Variants in IFNAR2 observed in about 807,000 individuals in gnomAD.
IFNAR2 encodes interferon alpha and beta receptor subunit 2, also known as interferon alpha/beta receptor 2.
Under a neutral mutation model 49.4 loss-of-function variants are expected in IFNAR2, and 30 were observed. That is an observed-to-expected ratio of 0.61 (90% CI 0.45 to 0.82). The LOEUF (loss-of-function observed/expected upper bound fraction) is 0.82, where lower values mean the gene tolerates loss of function less well. Among genes scored for constraint, IFNAR2 ranks in the 40% least tolerant of loss-of-function variants. The pLI, the probability that IFNAR2 is intolerant of heterozygous loss-of-function variation, is 0.00. For missense variants in IFNAR2, 600 were observed against 622.7 expected (o/e 0.96, Z 0.39); for synonymous variants, 224 against 234.5 (o/e 0.96, Z 0.41).
chr21:33,260,519 G>T, intron 7 of IFNAR2, 78 bp from the exon 8 acceptor site: 1 of 1,362,634 alleles, frequency 7.3e-7, no homozygotes, highest in Non-Finnish European at 9.9e-7. Context: ...TGTAACACCA[G>T]GCCAATGTAC....
Position 33,263,297 on chromosome 21 carries a change from C to G in IFNAR2, c.1345C>G (p.Leu449Val). ...TGACGACTTAGAAGCCCCTCTGATGCTATCGTCTCATCTGGAAGAGATGGT... is the reference window on the plus strand; with the variant it reads ...TGACGACTTAGAAGCCCCTCTGATGGTATCGTCTCATCTGGAAGAGATGGT... Reference protein sequence around the residue: ...DSDDLEAPLMLSSHLEEMVDP... With the variant: ...DSDDLEAPLMVSSHLEEMVDP... The change falls in exon 9 of 9, where the codon CTA (leucine) becomes GTA (valine). Residue 449 changes from leucine (L) to valine (V), a missense_variant. Transcript: ENST00000342136. 2 of 1,614,200 alleles carry G rather than the reference C, an allele frequency of 1.2e-6. No homozygotes were observed. The highest frequency in any genetic ancestry group is 1.7e-6 in the Non-Finnish European group (2 of 1,180,026).
At chr21:33,255,909 A>C (rs1415917863) in intron 7 of IFNAR2, among the ~76,000 whole-genome samples, 1 of 152,206 alleles carries the variant, frequency 6.6e-6, no homozygotes, top group Non-Finnish European at 1.5e-5. Flanking sequence ...GCTTGTTAAC[A>C]AAAGACACTC....
At chr21:33,238,855 A>G (rs1358259027) in intron 1 of IFNAR2, among the ~76,000 whole-genome samples, 7 of 152,190 alleles carry the variant, frequency 4.6e-5, no homozygotes, top group Non-Finnish European at 8.8e-5. Context: ...ACAGTTAATG[A>G]GAAGGAGATG....
In IFNAR2 at chr21:33,261,553, A is replaced by G. The variant is rs112768578; in HGVS notation, c.840+826A>G. On this transcript the variant is annotated intron_variant, in intron 8 of 8. Coordinates refer to ENST00000342136, the MANE Select transcript of IFNAR2 (RefSeq NM_001289125.3). ...GTTTTGGATTATGTCAGTGGAACAT[A>G]TACACAAAGTGGATTTATCCTATAA... Among the ~76,000 whole-genome samples the G allele has an allele frequency of 9.9e-3, 1,505 of 152,262 alleles. 22 individuals carry two copies. The highest frequency in any genetic ancestry group is 0.033 in the African/African-American group (1,365 of 41,534).
Position 33,230,913 on chromosome 21 carries a change from T to TA in IFNAR2, c.-84+698dup, listed in dbSNP as rs1386906895. ...TTCAACCCTGAGCAAATCAATCCGT[T>TA]ACACGCAGTAGCGAGTTGACTCCAT... is the stretch of plus-strand genomic sequence containing the variant. On this transcript the variant is annotated intron_variant, in intron 1 of 8. Coordinates refer to ENST00000342136, the MANE Select transcript of IFNAR2 (RefSeq NM_001289125.3). This position sits in a 1 kb window ranked among gnomAD's most constrained non-coding sequence, Gnocchi z 5.5. 6.6e-6 allele frequency among the ~76,000 whole-genome samples: 1 copy of TA among 152,234 alleles called. No homozygotes were observed. The highest frequency in any genetic ancestry group is 2.4e-5 in the African/African-American group (1 of 41,456).
chr21:33,236,956 G>A (rs1986508203), intron 1 of IFNAR2: 1 of 774,404 alleles, frequency 1.3e-6, no homozygotes, highest in East Asian at 1.3e-4. Flanking sequence ...ACGATGCCAA[G>A]ATGGGATATT....
At chr21:33,240,031 T>C (rs1038834511) in intron 1 of IFNAR2, among the ~76,000 whole-genome samples, 1 of 151,596 alleles carries the variant, frequency 6.6e-6, no homozygotes, top group African/African-American at 2.4e-5. Context: ...CCCTCAATGT[T>C]GTGAGCTACA....
intron 3 of IFNAR2, among the ~76,000 whole-genome samples, chr21:33,244,720 T>G (rs1330543989): frequency 6.6e-6 from 1 of 152,220 alleles, no homozygotes; most frequent in Non-Finnish European, 1.5e-5. Context: ...CCTTACACAG[T>G]GCACAGTCCC....
At chr21:33,231,533 G>A (rs1986064270) in intron 1 of IFNAR2, among the ~76,000 whole-genome samples, 1 of 152,142 alleles carries the variant, frequency 6.6e-6, no homozygotes, top group African/African-American at 2.4e-5. Context: ...ATTTCAAAAA[G>A]TAGTATGAAA....
chr21:33,241,763 G>A, intron 1 of IFNAR2, 77 bp from the exon 2 acceptor site: 2 of 1,025,826 alleles, frequency 1.9e-6, no homozygotes, highest in Non-Finnish European at 2.7e-6. Context: ...GAATAAATGG[G>A]GTAAATGACT....
chr21:33,238,000 G>C (rs970733848), intron 1 of IFNAR2, among the ~76,000 whole-genome samples: 7 of 152,152 alleles, frequency 4.6e-5, no homozygotes, highest in Non-Finnish European at 2.9e-5. Context: ...AAGCAGATAA[G>C]CTATAGGTCT....
intron 5 of IFNAR2, 77 bp downstream of exon 5, chr21:33,246,967 G>T: frequency 7.8e-7 from 1 of 1,282,334 alleles, no homozygotes; most frequent in Non-Finnish European, 1.1e-6. Context: ...GAAATAGGAG[G>T]TCTACAAAGG....
chr21:33,248,071 T>C (rs544945391), intron 5 of IFNAR2, among the ~76,000 whole-genome samples: 17 of 152,222 alleles, frequency 1.1e-4, no homozygotes, highest in Non-Finnish European at 2.2e-4. Flanking sequence ...ATGATAAATA[T>C]GAAAAATACA....
rs9754221 is a variant in IFNAR2, at chr21:33,244,979, G to A, written c.126G>A (p.Lys42=). The A allele has an allele frequency of 6.2e-7, 1 of 1,610,890 alleles. No individual in the cohort carries two copies. Among genetic ancestry groups the A allele is most frequent in the Non-Finnish European group, 8.5e-7 (1 of 1,178,080 alleles). Residue 42 remains lysine (K), a synonymous_variant, in exon 4 of 9, where the codon AAG becomes AAA. Transcript: ENST00000342136. ...ACACAGATGAATCTTGCACTTTCAAGATATCATTGCGAAATTTCCGGTCCA... is the reference window on the plus strand; with the variant it reads ...ACACAGATGAATCTTGCACTTTCAAAATATCATTGCGAAATTTCCGGTCCA... The part of the protein sequence containing the change: ...PDYTDESCTF[K]ISLRNFRSIL...
chr21:33,233,569 C>T (rs1034722025), intron 1 of IFNAR2, among the ~76,000 whole-genome samples: 1 of 152,096 alleles, frequency 6.6e-6, no homozygotes, highest in South Asian at 2.1e-4. Context: ...AAATCAAGCT[C>T]GCCTCAGACT....
chr21:33,231,706 G>A (rs1008354994), intron 1 of IFNAR2: 8 of 983,796 alleles, frequency 8.1e-6, no homozygotes, highest in South Asian at 4.7e-5. Context: ...ATCATCTTCC[G>A]TTATCAATCA....
rs564727682 is a variant in IFNAR2 at position 33,237,951 on chromosome 21, A to G, written c.-83-3889A>G. ...GATAAAGCAGATAAGCCATAGGTCTACCTTGCTTCATGGTCCAGGACATAC... is the reference window on the plus strand; with the variant it reads ...GATAAAGCAGATAAGCCATAGGTCTGCCTTGCTTCATGGTCCAGGACATAC... On this transcript the variant is annotated intron_variant, in intron 1 of 8. Coordinates refer to ENST00000342136, the MANE Select transcript of IFNAR2 (RefSeq NM_001289125.3). 3.9e-5 allele frequency among the ~76,000 whole-genome samples: 6 copies of G among 152,316 alleles called. No individual in the cohort carries two copies. The South Asian group carries it at 1.2e-3, about 32-fold the overall frequency.
At chr21:33,247,638 A>G (rs1481041635) in intron 5 of IFNAR2, among the ~76,000 whole-genome samples, 1 of 152,090 alleles carries the variant, frequency 6.6e-6, no homozygotes, top group Non-Finnish European at 1.5e-5. Flanking sequence ...TGCACCTAGT[A>G]CCCAAAGCTC....
chr21:33,236,716 G>C (rs1163568304), intron 1 of IFNAR2: 2 of 985,294 alleles, frequency 2.0e-6, no homozygotes, highest in Admixed American at 1.2e-4. Flanking sequence ...AGGAGATGGG[G>C]AAGGATCCAA....
Sources: gnomAD v4.1 joint callset for allele counts (sites outside exome capture counted in the v4.1 genomes callset) on GRCh38, gnomAD v4.1.1 for gene constraint, Gnocchi (gnomAD v3.1) non-coding constraint, MANE v1.5 for transcripts, NCBI Gene and HGNC (gene_info 2026-07-23, HGNC 2026-07-21) for gene names.